The following PRKCE variants were observed in gnomAD, a reference collection of about 807,000 sequenced individuals.
PRKCE encodes the protein protein kinase C epsilon.
Under a neutral mutation model 85.4 loss-of-function variants are expected in PRKCE, and 16 were observed. The ratio of observed to expected loss-of-function variants is 0.19; its 90% CI spans 0.13 to 0.28. The LOEUF (loss-of-function observed/expected upper bound fraction) is 0.28, where lower values mean the gene tolerates loss of function less well. Ranked by LOEUF, PRKCE falls within the 10% of genes least tolerant of loss-of-function variation. The pLI, the probability that PRKCE is intolerant of heterozygous loss-of-function variation, is 1.00. For synonymous variants in PRKCE, 388 were observed against 371.5 expected, an observed-to-expected ratio of 1.04 and a Z score of -0.51; for missense variants, 573 against 975.2, an observed-to-expected ratio of 0.59 and a Z score of 5.49.
chr2:45,884,589 C>T (rs1695106796), intron 2 of PRKCE, among the ~76,000 whole-genome samples: 1 of 152,158 alleles, frequency 6.6e-6, no homozygotes, highest in Non-Finnish European at 1.5e-5. Flanking sequence ...GCAGCACATG[C>T]CTTGTAAACT....
intron 14 of PRKCE, among the ~76,000 whole-genome samples, chr2:46,172,885 C>T (rs1281419637): frequency 2.0e-5 from 3 of 152,194 alleles, no homozygotes; most frequent in African/African-American, 7.2e-5. Flanking sequence ...AGTTATTGTA[C>T]CACTTAGAAA....
chr2:45,843,705 G>A (rs546583395), intron 2 of PRKCE, among the ~76,000 whole-genome samples: 6 of 152,320 alleles, frequency 3.9e-5, no homozygotes, highest in African/African-American at 1.4e-4. Context: ...AAGGGAAGAA[G>A]GGAAGCCTAG....
At chr2:45,841,126 C>T (rs1298340275) in intron 1 of PRKCE, among the ~76,000 whole-genome samples, 2 of 152,110 alleles carry the variant, frequency 1.3e-5, no homozygotes, top group African/African-American at 4.8e-5. Flanking sequence ...GGTAGATGGA[C>T]AATGTATTAC....
chr2:45,718,546 G>A (rs1166162761), intron 1 of PRKCE, among the ~76,000 whole-genome samples: 2 of 151,968 alleles, frequency 1.3e-5, no homozygotes, highest in African/African-American at 4.8e-5. Context: ...GTCTCACCAT[G>A]TTGGCCAGGA....
In PRKCE at chr2:45,762,298, C is replaced by A. The variant is rs575580747; in HGVS notation, c.349-80702C>A. On this transcript the variant is annotated intron_variant, in intron 1 of 14. Coordinates refer to ENST00000306156, the MANE Select transcript of PRKCE (RefSeq NM_005400.3). The stretch of plus-strand genomic sequence containing the variant: ...TTGTGTATCTGGGGATGTTGCCCAG[C>A]GGGTCTCACTATGCTGGGAAAACTG... 2.6e-5 allele frequency among the ~76,000 whole-genome samples: 4 copies of A among 152,250 alleles called. No homozygotes were observed. The South Asian group carries it at 6.2e-4, about 24-fold the overall frequency.
At chr2:45,736,356 G>A (rs1195374347) in intron 1 of PRKCE, among the ~76,000 whole-genome samples, 1 of 152,172 alleles carries the variant, frequency 6.6e-6, no homozygotes, top group African/African-American at 2.4e-5. Context: ...TACATGATAG[G>A]CGGGAGTTGG....
At chr2:46,059,870 G>A (rs981543912) in intron 10 of PRKCE, among the ~76,000 whole-genome samples, 1 of 152,250 alleles carries the variant, frequency 6.6e-6, no homozygotes, top group African/African-American at 2.4e-5. Flanking sequence ...CTTACTACTT[G>A]TAATTTGCTT....
chr2:45,752,107 G>T (rs1335675151), intron 1 of PRKCE, among the ~76,000 whole-genome samples: 1 of 152,066 alleles, frequency 6.6e-6, no homozygotes, highest in African/African-American at 2.4e-5. Context: ...GTGAGCCACC[G>T]CGCCCGGCAG....
intron 10 of PRKCE, among the ~76,000 whole-genome samples, chr2:46,070,767 C>T (rs760557199): frequency 1.4e-4 from 22 of 152,194 alleles, no homozygotes; most frequent in Non-Finnish European, 2.6e-4. Flanking sequence ...GGGTCAAATT[C>T]TGGCTGTGCT....
intron 5 of PRKCE, among the ~76,000 whole-genome samples, chr2:45,981,926 G>T (rs1265069473): frequency 6.6e-6 from 1 of 152,194 alleles, no homozygotes; most frequent in Non-Finnish European, 1.5e-5. Flanking sequence ...TCCATGCCAT[G>T]CAGGTTAAAG....
intron 11 of PRKCE, among the ~76,000 whole-genome samples, chr2:46,128,851 G>A (rs1674127523): frequency 6.6e-6 from 1 of 152,206 alleles, no homozygotes; most frequent in Non-Finnish European, 1.5e-5. Flanking sequence ...AGAGTGACCA[G>A]GCAGTCAGTA....
At chr2:45,888,850 G>A (rs763243395) in intron 2 of PRKCE, among the ~76,000 whole-genome samples, 5 of 152,170 alleles carry the variant, frequency 3.3e-5, no homozygotes, top group Non-Finnish European at 7.3e-5. Flanking sequence ...CATCAGGAAT[G>A]TTTACTGTCA....
At chr2:45,885,603 C>A (rs944361772) in intron 2 of PRKCE, among the ~76,000 whole-genome samples, 1 of 152,176 alleles carries the variant, frequency 6.6e-6, no homozygotes, top group Non-Finnish European at 1.5e-5. Context: ...GTCTGGATGG[C>A]CATTTGGGCA....
rs142176093 is a variant in PRKCE, at chr2:45,775,036, C to T, written c.349-67964C>T. Among the ~76,000 whole-genome samples, 21 of 152,272 alleles carry T rather than the reference C, an allele frequency of 1.4e-4. 1 individual carries two copies. In the East Asian group the frequency reaches 4.1e-3, roughly 29 times the overall value. ...CTCTGCCTTCTGGATGATCTCCTCCCCACGGTTGAATTGGTTCCCAAGGGG... is the reference window on the plus strand; with the variant it reads ...CTCTGCCTTCTGGATGATCTCCTCCTCACGGTTGAATTGGTTCCCAAGGGG... On this transcript the variant is annotated intron_variant, in intron 1 of 14. Transcript: ENST00000306156.
chr2:46,086,660 C>A (rs1669667758), intron 11 of PRKCE, among the ~76,000 whole-genome samples: 1 of 152,190 alleles, frequency 6.6e-6, no homozygotes. Flanking sequence ...GTTTTTCTCT[C>A]TCTCCTCCAC....
At chr2:45,662,201 G>C (rs1675694893) in intron 1 of PRKCE, among the ~76,000 whole-genome samples, 1 of 152,064 alleles carries the variant, frequency 6.6e-6, no homozygotes, top group African/African-American at 2.4e-5. Context: ...CATTGTTCTG[G>C]CCGTCCTTTC....
At chr2:46,008,189 G>A (rs1417461352) in intron 9 of PRKCE, among the ~76,000 whole-genome samples, 1 of 152,082 alleles carries the variant, frequency 6.6e-6, no homozygotes, top group Non-Finnish European at 1.5e-5. Context: ...TTTACACGTG[G>A]CAAGAAAATG....
At chr2:46,028,271 G>A (rs1707271720) in intron 10 of PRKCE, among the ~76,000 whole-genome samples, 1 of 152,318 alleles carries the variant, frequency 6.6e-6, no homozygotes, top group South Asian at 2.1e-4. Context: ...GAGTAACCTA[G>A]CCCAGCCTCA....
intron 1 of PRKCE, among the ~76,000 whole-genome samples, chr2:45,684,605 T>C (rs752909969): frequency 6.6e-6 from 1 of 152,214 alleles, no homozygotes; most frequent in Non-Finnish European, 1.5e-5. Context: ...TACAACCCCC[T>C]AGTGGCATGT....
Sources: allele counts gnomAD v4.1 joint callset (sites outside exome capture counted in the v4.1 genomes callset), GRCh38; gene constraint gnomAD v4.1.1; transcripts MANE v1.5; gene names NCBI Gene and HGNC (gene_info 2026-07-23, HGNC 2026-07-21).